CDH23: variants seen among roughly 807,000 people sequenced by gnomAD.
CDH23 encodes the protein cadherin related 23.
A neutral mutation model predicts 317.1 loss-of-function variants in CDH23; 189 were observed. That is an observed-to-expected ratio of 0.60 (90% CI 0.53 to 0.67). The LOEUF is 0.67. Ranked by LOEUF, CDH23 falls within the 30% of genes least tolerant of loss-of-function variation. The pLI is 0.00. For missense variants in CDH23, 4,401 were observed against 4,592.4 expected (o/e 0.96, Z 1.20); for synonymous variants, 1,839 against 1,876.8 (o/e 0.98, Z 0.52).
chr10:71,736,469 G>A (rs751814739), intron 34 of CDH23, among the ~76,000 whole-genome samples: 9 of 152,240 alleles, frequency 5.9e-5, no homozygotes, highest in Non-Finnish European at 1.0e-4. Flanking sequence ...GGCAGGCTGG[G>A]TAGGGCATGG....
intron 26 of CDH23, 49 bp from the exon 27 acceptor site, chr10:71,709,049 G>T (rs767517565): frequency 1.4e-5 from 22 of 1,558,600 alleles, no homozygotes; most frequent in Non-Finnish European, 1.9e-5. Flanking sequence ...GCTTCCCCTG[G>T]CCGGGAGCTC....
At chr10:71,649,527 A>G (rs1261951962) in intron 14 of CDH23, among the ~76,000 whole-genome samples, 1 of 152,170 alleles carries the variant, frequency 6.6e-6, no homozygotes, top group African/African-American at 2.4e-5. Context: ...CCACCAGTCC[A>G]GGTGTCCTAG....
At chr10:71,594,870 A>G (rs1399461641) in intron 9 of CDH23, among the ~76,000 whole-genome samples, 3 of 152,258 alleles carry the variant, frequency 2.0e-5, no homozygotes, top group Admixed American at 6.5e-5. Flanking sequence ...AATGTCAGCA[A>G]TTTGTTATGG....
chr10:71,686,917 G>A (rs764827006), intron 18 of CDH23, among the ~76,000 whole-genome samples: 11 of 152,234 alleles, frequency 7.2e-5, no homozygotes, highest in Non-Finnish European at 1.5e-4. Context: ...GTGTGAAGGA[G>A]TTGGGGGGTG....
Position 71,802,944 on chromosome 10 carries a change from C to A in CDH23, c.7529C>A (p.Ser2510Tyr). 1 of 1,614,034 alleles carries A rather than the reference C, an allele frequency of 6.2e-7. No individual in the cohort carries two copies. Among genetic ancestry groups the A allele is most frequent in the Non-Finnish European group, 8.5e-7 (1 of 1,179,894 alleles). The change falls in exon 54 of 70, where the codon TCC becomes TAC. Residue 2510 changes from serine to tyrosine, a missense_variant. Around this residue, in one of 3 missense-constraint regions of CDH23, gnomAD observed 189 missense variants for 250.9 expected, o/e 0.75. Coordinates refer to ENST00000224721, the MANE Select transcript of CDH23 (RefSeq NM_022124.6). ...LDVNDCRPQF[S>Y]KPQFSTSVYE... Reference sequence around the variant, plus strand: ...GTCAATGACTGCCGGCCACAGTTCTCCAAGCCCCAGTTCAGCACAAGCGTG... The same window carrying A: ...GTCAATGACTGCCGGCCACAGTTCTACAAGCCCCAGTTCAGCACAAGCGTG...
intron 14 of CDH23, among the ~76,000 whole-genome samples, chr10:71,651,845 T>C (rs1426320552): frequency 1.3e-5 from 2 of 152,130 alleles, no homozygotes; most frequent in Non-Finnish European, 2.9e-5. Flanking sequence ...GTACCTAGGA[T>C]GTGTGAGGAG....
intron 3 of CDH23, among the ~76,000 whole-genome samples, chr10:71,504,906 T>C (rs1302525030): frequency 6.6e-6 from 1 of 152,232 alleles, no homozygotes; most frequent in Non-Finnish European, 1.5e-5. Context: ...ACTTCTAACC[T>C]GGCTGTGTGT....
rs1234642571 is a variant in CDH23, at chr10:71,815,033, G to A, written c.9820G>A (p.Val3274Met). 5 of 1,612,694 alleles carry A rather than the reference G, an allele frequency of 3.1e-6. No individual in the cohort carries two copies. Among genetic ancestry groups the A allele is most frequent in the Non-Finnish European group, 4.2e-6 (5 of 1,179,766 alleles). The change falls in exon 70 of 70, where the codon GTG (valine) becomes ATG (methionine). Residue 3274 changes from valine (V) to methionine (M), a missense_variant. By Grantham distance (21) the Val-to-Met change is conservative (BLOSUM62 1). This residue lies in a region of CDH23 where 1,144 missense variants were observed against 1,138.2 expected (regional missense o/e 1.01). Coordinates refer to ENST00000224721, the MANE Select transcript of CDH23 (RefSeq NM_022124.6). ...CCTGCGCTTCCGCCACAAGCCACCAGTGGAGCTCAAGGGGCCCGATGGGAT... is the reference window on the plus strand; with the variant it reads ...CCTGCGCTTCCGCCACAAGCCACCAATGGAGCTCAAGGGGCCCGATGGGAT... ...GSLRFRHKPP[V>M]ELKGPDGIHV...
chr10:71,815,461 G>A lies in CDH23; in HGVS notation c.*183G>A, dbSNP rs1842103322. 5.7e-6 allele frequency: 3 copies of A among 525,076 alleles called. No homozygotes were observed. Among genetic ancestry groups the A allele is most frequent in the South Asian group, 3.4e-5 (1 of 29,724 alleles). The allele number at this position is 525,076 out of a possible 1,614,324, so 32.5% of individuals were successfully genotyped here. ...CCCACTTTTGCCAGACGCTCATTCA[G>A]CATCTGACCTCTACCTTCATAAGAT... On this transcript the variant is annotated 3_prime_UTR_variant, in exon 70 of 70. Transcript: ENST00000224721.
chr10:71,649,164 C>G (rs1471232158), intron 14 of CDH23, among the ~76,000 whole-genome samples: 2 of 152,206 alleles, frequency 1.3e-5, no homozygotes, highest in Non-Finnish European at 2.9e-5. Context: ...CCACACCGCC[C>G]TGCCCTGCTC....
intron 22 of CDH23, among the ~76,000 whole-genome samples, chr10:71,697,503 C>G (rs1315760782): frequency 1.3e-5 from 2 of 152,102 alleles, no homozygotes; most frequent in African/African-American, 2.4e-5. Context: ...ATCCCCACCC[C>G]CTTTATAAAA....
intron 14 of CDH23, among the ~76,000 whole-genome samples, chr10:71,673,302 C>A (rs1864223458): frequency 6.6e-6 from 1 of 152,218 alleles, no homozygotes; most frequent in South Asian, 2.1e-4. Flanking sequence ...ACACAGTGAC[C>A]TGGAACTGAG....
chr10:71,450,386 C>T (rs567671684), intron 3 of CDH23, among the ~76,000 whole-genome samples: 1 of 152,044 alleles, frequency 6.6e-6, no homozygotes, highest in South Asian at 2.1e-4. Flanking sequence ...CTGCCTCAGC[C>T]TCCTGGGTAG....
chr10:71,425,215 G>T (rs1849000543), intron 1 of CDH23, among the ~76,000 whole-genome samples: 1 of 127,092 alleles, frequency 7.9e-6, no homozygotes, highest in Non-Finnish European at 1.6e-5. Flanking sequence ...AAATCACAGT[G>T]GGGCAGAGAG....
chr10:71,435,641 G>A (rs1416382388), intron 1 of CDH23, among the ~76,000 whole-genome samples: 2 of 152,224 alleles, frequency 1.3e-5, no homozygotes, highest in African/African-American at 4.8e-5. Flanking sequence ...GCACAGAAGG[G>A]TGTGTCTGTG....
chr10:71,417,346 G>A (rs892823230), intron 1 of CDH23, among the ~76,000 whole-genome samples: 6 of 151,858 alleles, frequency 4.0e-5, no homozygotes, highest in Admixed American at 6.6e-5. Context: ...CAAAGTGCTG[G>A]GATTACAGAT....
At position 71,421,996 on chromosome 10, in the gene CDH23, C is replaced by T. The variant is rs77369405; in HGVS notation, c.-5-17831C>T. Among the ~76,000 whole-genome samples, 12 of 152,306 alleles carry T rather than the reference C, an allele frequency of 7.9e-5. No homozygotes were observed. The East Asian group carries it at 2.3e-3, about 29-fold the overall frequency. On this transcript the variant is annotated intron_variant, in intron 1 of 69. Transcript: ENST00000224721. ...GAATGTGTCCTGAGTAGGTAGTGAGCTTCCCACCCCTGGATGTATACAAGT... is the reference window on the plus strand; with the variant it reads ...GAATGTGTCCTGAGTAGGTAGTGAGTTTCCCACCCCTGGATGTATACAAGT...
At chr10:71,568,845 T>G (rs1212363623) in intron 7 of CDH23, among the ~76,000 whole-genome samples, 1 of 152,068 alleles carries the variant, frequency 6.6e-6, no homozygotes, top group Middle Eastern at 3.2e-3. Flanking sequence ...ACAGGATCAC[T>G]CCCCTTTCCC....
chr10:71,663,661 C>G (rs1222855497), intron 14 of CDH23, among the ~76,000 whole-genome samples: 1 of 152,206 alleles, frequency 6.6e-6, no homozygotes, highest in Non-Finnish European at 1.5e-5. Flanking sequence ...AGTATTAGTA[C>G]CTGTCTCATA....
Sources: allele counts gnomAD v4.1 joint callset (sites outside exome capture counted in the v4.1 genomes callset), GRCh38; gene constraint gnomAD v4.1.1; regional missense constraint gnomAD v4.1.1; transcripts MANE v1.5; gene names NCBI Gene and HGNC (gene_info 2026-07-23, HGNC 2026-07-21).